COL22A1: variants seen among roughly 807,000 people sequenced by gnomAD.
COL22A1 encodes the protein collagen alpha-1(XXII) chain.
COL22A1 carries 221 observed loss-of-function variants against 248.9 expected under a neutral mutation model. That is an observed-to-expected ratio of 0.89 (90% CI 0.80 to 0.99). COL22A1 has a LOEUF of 0.99. Ranked by LOEUF, COL22A1 falls within the 50% of genes least tolerant of loss-of-function variation. COL22A1 has a pLI of 0.00. For missense variants in COL22A1, 2,240 were observed against 2,179.0 expected, an observed-to-expected ratio of 1.03 and a Z score of -0.56; for synonymous variants, 891 against 793.4, an observed-to-expected ratio of 1.12 and a Z score of -2.07.
chr8:138,827,802 A>C (rs1438183130), intron 5 of COL22A1, among the ~76,000 whole-genome samples: 1 of 147,748 alleles, frequency 6.8e-6, no homozygotes, highest in Admixed American at 6.9e-5. Context: ...CTTCCTCTGT[A>C]TCATGTACAG....
chr8:138,683,925 T>C (rs560642182), intron 39 of COL22A1, among the ~76,000 whole-genome samples: 1 of 152,322 alleles, frequency 6.6e-6, no homozygotes, highest in East Asian at 1.9e-4. Context: ...AAGTACCGAT[T>C]ATATGACAAC....
At position 138,643,609 on chromosome 8, in the gene COL22A1, T is replaced by TATAGATAGATAGATAGATAG. The variant is rs57015617; in HGVS notation, c.3501+3000_3501+3019dup. Among the ~76,000 whole-genome samples the TATAGATAGATAGATAGATAG allele has an allele frequency of 4.9e-3, 715 of 146,630 alleles. 6 individuals carry two copies. The highest frequency in any genetic ancestry group is 9.5e-3 in the African/African-American group (372 of 39,008). On this transcript the variant is annotated intron_variant, in intron 47 of 64. Coordinates refer to ENST00000303045, the MANE Select transcript of COL22A1 (RefSeq NM_152888.3). ...CAAAAGAAATAATATCCCTATGCAATATAGATAGATAGATAGATAGATAGA... is the reference window on the plus strand; with the variant it reads ...CAAAAGAAATAATATCCCTATGCAATATAGATAGATAGATAGATAGATAGATAGATAGATAGATAGATAGA...
At chr8:138,833,916 T>A (rs368887112) in intron 4 of COL22A1, among the ~76,000 whole-genome samples, 2 of 152,178 alleles carry the variant, frequency 1.3e-5, no homozygotes, top group South Asian at 2.1e-4. Context: ...ACAGCAATGA[T>A]GCCTACTGGG....
At chr8:138,771,846 G>C (rs1230368280) in intron 16 of COL22A1, among the ~76,000 whole-genome samples, 2 of 152,162 alleles carry the variant, frequency 1.3e-5, no homozygotes, top group African/African-American at 4.8e-5. Flanking sequence ...GGCCCCCCGG[G>C]GCCTGCGGAG....
chr8:138,609,271 A>G (rs4076438), intron 56 of COL22A1, among the ~76,000 whole-genome samples: 99,731 of 152,154 alleles, frequency 0.66, 34,342 homozygotes, highest in Middle Eastern at 0.82. Flanking sequence ...GAGGCAAGTC[A>G]AGGAGCTGAG....
At chr8:138,897,145 C>A (rs1825477558) in intron 1 of COL22A1, among the ~76,000 whole-genome samples, 1 of 152,230 alleles carries the variant, frequency 6.6e-6, no homozygotes, top group East Asian at 1.9e-4. Flanking sequence ...TTGAAGGTTA[C>A]ATGGCCAGTG....
At chr8:138,617,246 G>C (rs1176001373) in intron 53 of COL22A1, among the ~76,000 whole-genome samples, 1 of 152,172 alleles carries the variant, frequency 6.6e-6, no homozygotes, top group Admixed American at 6.5e-5. Context: ...GGTGTCTCCT[G>C]CTCTCCTTGT....
At chr8:138,804,844 A>ATGTATGTATATGTGATGGTG (rs1817338560) in intron 10 of COL22A1, among the ~76,000 whole-genome samples, 1 of 130,350 alleles carries the variant, frequency 7.7e-6, no homozygotes. Context: ...GTGTGTGCAT[A>ATGTATGTATATGTGATGGTG]CGTATGTATA....
chr8:138,711,958 A>G (rs9657459), intron 30 of COL22A1, among the ~76,000 whole-genome samples: 140,663 of 152,240 alleles, frequency 0.92, 65,448 homozygotes, highest in Non-Finnish European at 0.98. Context: ...GCAGCTCTGC[A>G]CAAGCAACTT....
intron 21 of COL22A1, among the ~76,000 whole-genome samples, chr8:138,752,103 G>A (rs1055274344): frequency 1.4e-4 from 22 of 152,158 alleles, no homozygotes; most frequent in African/African-American, 5.3e-4. Flanking sequence ...TTAAACCTCG[G>A]TTATCTCATC....
At chr8:138,768,034 T>TTC (rs1834044797) in intron 16 of COL22A1, among the ~76,000 whole-genome samples, 1 of 152,206 alleles carries the variant, frequency 6.6e-6, no homozygotes, top group Non-Finnish European at 1.5e-5. Flanking sequence ...ATGGCCCAGG[T>TTC]GTCCCTGTGG....
chr8:138,760,450 G>A (rs1433550795), intron 17 of COL22A1, among the ~76,000 whole-genome samples, 163 bp from the exon 18 acceptor site: 1 of 152,210 alleles, frequency 6.6e-6, no homozygotes, highest in Non-Finnish European at 1.5e-5. Flanking sequence ...CTTATTGCTA[G>A]AAAGTTCTTC....
At position 138,878,181 on chromosome 8, in the gene COL22A1, C is replaced by T. The variant is rs1206916359; in HGVS notation, c.227G>A (p.Arg76His). The part of the protein sequence containing the change: ...DTFEVGPDRT[R>H]VGVVRYSDRP... ...GTCGCTGTAGCGCACGACCCCCACA[C>T]GGGTGCGGTCGGGGCCCACCTCGAA... Residue 76 changes from arginine to histidine, a missense_variant, in exon 3 of 65, where the codon CGT (arginine) becomes CAT (histidine). Transcript: ENST00000303045. 8 of 1,600,770 alleles carry T rather than the reference C, an allele frequency of 5.0e-6. No individual in the cohort carries two copies. The highest frequency in any genetic ancestry group is 1.1e-5 in the South Asian group (1 of 88,548).
chr8:138,689,101 A>C (rs72729624), intron 36 of COL22A1, 131 bp from the exon 37 acceptor site: 40,972 of 693,044 alleles, frequency 0.059, 1,392 homozygotes, highest in Middle Eastern at 0.11. Context: ...CAATTCCCAT[A>C]CTTTATTTAA....
At chr8:138,595,742 C>A (rs1378368758) in intron 62 of COL22A1, among the ~76,000 whole-genome samples, 1 of 151,978 alleles carries the variant, frequency 6.6e-6, no homozygotes, top group Non-Finnish European at 1.5e-5. Context: ...GTCCTTGCTC[C>A]CAGCACAGAC....
chr8:138,764,847 T>A (rs1234038819), intron 16 of COL22A1, among the ~76,000 whole-genome samples: 6 of 152,060 alleles, frequency 3.9e-5, no homozygotes, highest in Non-Finnish European at 1.5e-5. Context: ...CTGTAGTCCC[T>A]GCTACTCAGG....
At chr8:138,666,347 T>C (rs958807216) in intron 41 of COL22A1, among the ~76,000 whole-genome samples, 3 of 152,022 alleles carry the variant, frequency 2.0e-5, no homozygotes, top group African/African-American at 7.3e-5. Context: ...ATGCCAGGAG[T>C]GGTCCTATCT....
chr8:138,827,840 C>T (rs997948622), intron 5 of COL22A1, among the ~76,000 whole-genome samples: 1 of 151,678 alleles, frequency 6.6e-6, no homozygotes, highest in Admixed American at 6.6e-5. Context: ...CTGCCTCTTG[C>T]ATATCAGCAC....
At chr8:138,851,559 C>T (rs1175125902) in intron 3 of COL22A1, among the ~76,000 whole-genome samples, 1 of 152,182 alleles carries the variant, frequency 6.6e-6, no homozygotes, top group Non-Finnish European at 1.5e-5. Context: ...CCAAGGGTTC[C>T]TCAGACCTCC....
Sources: allele counts gnomAD v4.1 joint callset (sites outside exome capture counted in the v4.1 genomes callset), GRCh38; gene constraint gnomAD v4.1.1; transcripts MANE v1.5; gene names NCBI Gene and HGNC (gene_info 2026-07-23, HGNC 2026-07-21).